DHX33: variants seen among roughly 807,000 people sequenced by gnomAD.
DHX33 encodes ATP-dependent RNA helicase DHX33.
Under a neutral mutation model 72.5 loss-of-function variants are expected in DHX33, and 42 were observed. The ratio of observed to expected loss-of-function variants is 0.58; its 90% CI spans 0.45 to 0.75. The LOEUF is 0.75. Among genes scored for constraint, DHX33 ranks in the 30% least tolerant of loss-of-function variants. DHX33 has a pLI of 0.00. For missense variants in DHX33, 842 were observed against 917.5 expected (o/e 0.92, Z 1.06); for synonymous variants, 358 against 366.1 (o/e 0.98, Z 0.25).
Position 5,461,001 on chromosome 17 carries a change from T to G in DHX33, c.787A>C (p.Thr263Pro). 3 of 1,614,054 alleles carry G rather than the reference T, an allele frequency of 1.9e-6. No individual in the cohort carries two copies. The highest frequency in any genetic ancestry group is 2.5e-6 in the Non-Finnish European group (3 of 1,179,978). The change falls in exon 4 of 12, where the codon ACC becomes CCC. Residue 263 changes from threonine (T) to proline (P), a missense_variant. Physicochemically the swap from Thr to Pro is conservative, Grantham distance 38. Coordinates refer to ENST00000225296, the MANE Select transcript of DHX33 (RefSeq NM_020162.4). ...GRQHPIQVFY[T>P]KQPQNDYLHA... ...AGGTAATCATTCTGAGGCTGTTTGG[T>G]GTAAAACACCTGGATCGGATGCTGC...
chr17:5,466,600 G>T (rs554743035), intron 1 of DHX33, among the ~76,000 whole-genome samples: 1 of 152,182 alleles, frequency 6.6e-6, no homozygotes, highest in African/African-American at 2.4e-5. Flanking sequence ...AAAATTTTAT[G>T]AGAGGAAATG....
intron 8 of DHX33, among the ~76,000 whole-genome samples, chr17:5,452,050 C>T (rs1916940700): frequency 6.7e-6 from 1 of 149,718 alleles, no homozygotes; most frequent in African/African-American, 2.5e-5. Context: ...GAGTGGGTAC[C>T]CCAAAAGAGT....
Position 5,462,396 on chromosome 17 carries a change from T to G in DHX33, c.601A>C (p.Ile201Leu), listed in dbSNP as rs202095185. The change falls in exon 3 of 12, where the codon ATC becomes CTC. Residue 201 changes from isoleucine to leucine, a missense_variant. By Grantham distance (5) the Ile-to-Leu change is conservative (BLOSUM62 2). Transcript: ENST00000225296. Reference protein sequence around the residue: ...VILDEAHERTIHTDVLFGVVK... With the variant: ...VILDEAHERTLHTDVLFGVVK... Reference sequence around the variant, plus strand: ...ACTCCAAAGAGCACATCTGTGTGGATAGTCCGTTCGTGAGCTTCATCCAAA... The same window carrying G: ...ACTCCAAAGAGCACATCTGTGTGGAGAGTCCGTTCGTGAGCTTCATCCAAA... 22 of 1,614,098 alleles carry G rather than the reference T, an allele frequency of 1.4e-5. No homozygotes were observed. Among genetic ancestry groups the G allele is most frequent in the South Asian group, 8.8e-5 (8 of 91,092 alleles).
intron 4 of DHX33, among the ~76,000 whole-genome samples, chr17:5,456,703 A>G (rs1046944412): frequency 1.3e-5 from 2 of 152,240 alleles, no homozygotes; most frequent in South Asian, 4.1e-4. Context: ...GAACAATACC[A>G]TGAAAAGCAT....
At chr17:5,445,828 C>T (rs9902327) in intron 11 of DHX33, among the ~76,000 whole-genome samples, 6,053 of 152,258 alleles carry the variant, frequency 0.04, 150 homozygotes, top group East Asian at 0.1. Context: ...GGCCTGGCTC[C>T]TGCAGGCTTT....
At chr17:5,461,336 G>C (rs372178249) in intron 3 of DHX33, 1 of 316,754 alleles carries the variant, frequency 3.2e-6, no homozygotes, top group Non-Finnish European at 5.7e-6. Context: ...GAGTTTCACC[G>C]GGCACGGTGG....
At chr17:5,453,477 T>C in intron 8 of DHX33, 103 bp downstream of exon 8, 1 of 906,592 alleles carries the variant, frequency 1.1e-6, no homozygotes, top group Non-Finnish European at 1.8e-6. Flanking sequence ...CAAAATTAAA[T>C]AAACAAAAGG....
chr17:5,455,134 GAC>G, intron 6 of DHX33, 24 bp downstream of exon 6: 14 of 1,576,542 alleles, frequency 8.9e-6, no homozygotes, highest in Non-Finnish European at 1.2e-5. Flanking sequence ...ACACAGGAGA[GAC>G]ATTCATGAAC....
chr17:5,447,718 T>C (rs1453333611), intron 11 of DHX33, among the ~76,000 whole-genome samples: 1 of 152,238 alleles, frequency 6.6e-6, no homozygotes, highest in African/African-American at 2.4e-5. Flanking sequence ...TCATTCTGTG[T>C]GCACCACAGC....
chr17:5,450,127 G>A, intron 10 of DHX33, 76 bp downstream of exon 10: 2 of 1,554,750 alleles, frequency 1.3e-6, no homozygotes, highest in African/African-American at 1.4e-5. Context: ...TTTTTGCACG[G>A]CTTCAGTAGA....
intron 4 of DHX33, among the ~76,000 whole-genome samples, chr17:5,460,609 C>T (rs930575545): frequency 3.3e-5 from 5 of 151,702 alleles, no homozygotes; most frequent in Non-Finnish European, 5.9e-5. Context: ...CGGATTCAGG[C>T]GATTCTCCCA....
intron 10 of DHX33, among the ~76,000 whole-genome samples, chr17:5,449,914 C>T (rs1417839471): frequency 3.9e-5 from 6 of 152,138 alleles, no homozygotes; most frequent in South Asian, 2.1e-4. Flanking sequence ...TTCATTGGTA[C>T]GCACTATCAT....
At chr17:5,454,056 C>T in intron 6 of DHX33, 76 bp from the exon 7 acceptor site, 1 of 1,538,110 alleles carries the variant, frequency 6.5e-7, no homozygotes, top group Non-Finnish European at 8.8e-7. Context: ...AAAAGAAGCA[C>T]ACCAGTGGTT....
In DHX33 at chr17:5,468,795, C is replaced by T. The variant is rs2151694894; in HGVS notation, c.65G>A (p.Arg22His). Residue 22 changes from arginine to histidine, a missense_variant, in exon 1 of 12, where the codon CGC becomes CAC. Transcript: ENST00000225296. ...RFRPGSGPPS[R>H]AGSFPPGRQV... Reference sequence around the variant, plus strand: ...CCTCCCGGGAGGGAAGGACCCAGCGCGGCTCGGAGGTCCAGAGCCTGGCCG... The same window carrying T: ...CCTCCCGGGAGGGAAGGACCCAGCGTGGCTCGGAGGTCCAGAGCCTGGCCG... The T allele has an allele frequency of 6.2e-7, 1 of 1,600,982 alleles. No homozygotes were observed. Among genetic ancestry groups the T allele is most frequent in the African/African-American group, 1.3e-5 (1 of 74,784 alleles).
In DHX33 at chr17:5,455,203, A is replaced by G; in HGVS notation, c.1104T>C (p.Tyr368=). Residue 368 remains tyrosine, a synonymous_variant, in exon 6 of 12, where the codon TAT becomes TAC. Transcript: ENST00000225296. The part of the protein sequence containing the change: ...ETSITITGIK[Y]VVDTGMVKAK... ...CTTTAACCATGCCCGTGTCAACTAC[A>G]TATTTTATTCCTGTAATGGTTATGG... 3 of 1,614,192 alleles carry G rather than the reference A, an allele frequency of 1.9e-6. No individual in the cohort carries two copies. The highest frequency in any genetic ancestry group is 4.5e-5 in the East Asian group (2 of 44,890).
In DHX33 at chr17:5,460,972, G is replaced by C. The variant is rs138169143; in HGVS notation, c.816C>G (p.His272Gln). The C allele has an allele frequency of 1.2e-6, 2 of 1,613,822 alleles. No individual in the cohort carries two copies. The highest frequency in any genetic ancestry group is 1.7e-6 in the Non-Finnish European group (2 of 1,179,782). The change falls in exon 4 of 12, where the codon CAC becomes CAG. Residue 272 changes from histidine (H) to glutamine (Q), a missense_variant. Transcript: ENST00000225296. ...TCTGGAAGACGGAGACAAGCGCGGC[G>C]TGCAGGTAATCATTCTGAGGCTGTT... is the stretch of plus-strand genomic sequence containing the variant. ...YTKQPQNDYL[H>Q]AALVSVFQIH...
Position 5,455,228 on chromosome 17 carries a change from G to A in DHX33, c.1079C>T (p.Ser360Phe). 1 of 1,614,164 alleles carries A rather than the reference G, an allele frequency of 6.2e-7. No homozygotes were observed. The highest frequency in any genetic ancestry group is 8.5e-7 in the Non-Finnish European group (1 of 1,180,040). ...ATATTTTATTCCTGTAATGGTTATG[G>A]AGGTTTCAGCGATGTTGGTTGAAAT... ...VIISTNIAETSITITGIKYVV... is the reference protein window; with the variant it reads ...VIISTNIAETFITITGIKYVV... The change falls in exon 6 of 12, where the codon TCC (serine) becomes TTC (phenylalanine). Residue 360 changes from serine (S) to phenylalanine (F), a missense_variant. Physicochemically the swap from Ser to Phe is radical, Grantham distance 155 (BLOSUM62 -2). Coordinates refer to ENST00000225296, the MANE Select transcript of DHX33 (RefSeq NM_020162.4).
In DHX33 at chr17:5,468,743, GC is replaced by G. The variant is rs1243876503; in HGVS notation, c.116del (p.Gly39AlafsTer86). 6.2e-7 allele frequency: 1 copy of G among 1,611,262 alleles called. No homozygotes were observed. The highest frequency in any genetic ancestry group is 1.1e-5 in the South Asian group (1 of 90,838). On this transcript the variant is annotated frameshift_variant, in exon 1 of 12. Transcript: ENST00000225296. LOFTEE classifies it high-confidence loss of function. Reference protein sequence around the residue: ...GRQVVMLLTAGSGGRGGGGGR... With the variant: ...GRQVVMLLTAXSGGRGGGGGR... ...CTCCTCCTCCTCCTCTGCCGCCGCT[GC>G]CCGCAGTCAGCAGCATCACCACTTG...
chr17:5,455,527 G>A (rs979872254), intron 5 of DHX33, among the ~76,000 whole-genome samples: 4 of 152,184 alleles, frequency 2.6e-5, no homozygotes, highest in Admixed American at 6.5e-5. Context: ...GTAGATGTGG[G>A]TTGGAATCGT....
Sources: allele counts gnomAD v4.1 joint callset (sites outside exome capture counted in the v4.1 genomes callset), GRCh38; gene constraint gnomAD v4.1.1; transcripts MANE v1.5; gene names NCBI Gene and HGNC (gene_info 2026-07-23, HGNC 2026-07-21).